EIF4EBP1: variants seen among roughly 807,000 people sequenced by gnomAD.
The protein encoded by EIF4EBP1 is eukaryotic translation initiation factor 4E-binding protein 1.
In EIF4EBP1, 5 loss-of-function variants were observed where a neutral mutation model predicts 9.2. That is an observed-to-expected ratio of 0.54 (90% CI 0.28 to 1.14). EIF4EBP1 has a LOEUF of 1.14. EIF4EBP1 is among the 50% of genes most tolerant of loss of function. EIF4EBP1 has a pLI of 0.09. For missense variants in EIF4EBP1, 139 were observed against 169.6 expected, an observed-to-expected ratio of 0.82 and a Z score of 1.00; for synonymous variants, 62 against 67.0, an observed-to-expected ratio of 0.93 and a Z score of 0.36.
At chr8:38,057,956 G>A (rs1029751400) in intron 2 of EIF4EBP1, among the ~76,000 whole-genome samples, 2 of 152,266 alleles carry the variant, frequency 1.3e-5, no homozygotes, top group South Asian at 2.1e-4. Flanking sequence ...AAGCACTTCC[G>A]GGCAACTATA....
At chr8:38,050,849 T>A (rs1809510898) in intron 1 of EIF4EBP1, among the ~76,000 whole-genome samples, 1 of 152,166 alleles carries the variant, frequency 6.6e-6, no homozygotes, top group Non-Finnish European at 1.5e-5. Context: ...GCCCAGAGAC[T>A]GATGGGTTCC....
At chr8:38,036,355 A>C (rs1432459579) in intron 1 of EIF4EBP1, among the ~76,000 whole-genome samples, 2 of 151,074 alleles carry the variant, frequency 1.3e-5, no homozygotes, top group Non-Finnish European at 3.0e-5. Context: ...ATAAAAATAC[A>C]AAAAAAAATT....
rs117034361 is a variant in EIF4EBP1 at position 38,050,593 on chromosome 8, G to A, written c.146-6488G>A. Among the ~76,000 whole-genome samples, 318 of 152,174 alleles carry A rather than the reference G, an allele frequency of 2.1e-3. 6 individuals are homozygous for A. The East Asian group carries it at 0.052, about 25-fold the overall frequency. ...TCAAACTCCTGGGCTCAAGCAATCC[G>A]CCTGCCTCGGTCTTTTCTTTCTTTC... On this transcript the variant is annotated intron_variant, in intron 1 of 2. Coordinates refer to ENST00000338825, the MANE Select transcript of EIF4EBP1 (RefSeq NM_004095.4).
chr8:38,054,440 G>C lies in EIF4EBP1; in HGVS notation c.146-2641G>C, dbSNP rs28496223. Among the ~76,000 whole-genome samples, 99 of 152,118 alleles carry C rather than the reference G, an allele frequency of 6.5e-4. 1 individual carries two copies. The highest frequency in any genetic ancestry group is 1.2e-3 in the Non-Finnish European group (81 of 68,034). On this transcript the variant is annotated intron_variant, in intron 1 of 2. Transcript: ENST00000338825. ...CATTCCAGCCTGGGTGACAGAGCAA[G>C]ACTCCATCTCAAAACAAACAAACAA...
chr8:38,045,416 C>T (rs1452853120), intron 1 of EIF4EBP1, among the ~76,000 whole-genome samples: 3 of 152,022 alleles, frequency 2.0e-5, no homozygotes, highest in African/African-American at 7.2e-5. Flanking sequence ...AAACTAGAAC[C>T]TAAGGGAATG....
At chr8:38,058,086 G>T (rs1222139930) in intron 2 of EIF4EBP1, among the ~76,000 whole-genome samples, 1 of 152,162 alleles carries the variant, frequency 6.6e-6, no homozygotes. Flanking sequence ...TCTCCCCAGG[G>T]CCTGCAGGAC....
intron 1 of EIF4EBP1, among the ~76,000 whole-genome samples, chr8:38,041,477 C>T (rs562334182): frequency 3.2e-4 from 48 of 152,120 alleles, no homozygotes; most frequent in Non-Finnish European, 5.6e-4. Flanking sequence ...GCCACATTTT[C>T]GAATAATCCT....
At chr8:38,039,855 C>A (rs1361358784) in intron 1 of EIF4EBP1, among the ~76,000 whole-genome samples, 1 of 151,618 alleles carries the variant, frequency 6.6e-6, no homozygotes, top group Non-Finnish European at 1.5e-5. Context: ...GACTTTTTTT[C>A]TTTTTTTTAA....
At chr8:38,033,892 G>A (rs957488636) in intron 1 of EIF4EBP1, among the ~76,000 whole-genome samples, 89 of 151,328 alleles carry the variant, frequency 5.9e-4, no homozygotes, top group East Asian at 1.6e-3. Flanking sequence ...GACTACAGGC[G>A]CCCGCGATCA....
At chr8:38,044,920 G>T (rs1201309919) in intron 1 of EIF4EBP1, among the ~76,000 whole-genome samples, 1 of 152,152 alleles carries the variant, frequency 6.6e-6, no homozygotes, top group Non-Finnish European at 1.5e-5. Context: ...GACCGGAGGG[G>T]ATGACAGATG....
chr8:38,040,362 T>A (rs1008430489), intron 1 of EIF4EBP1, among the ~76,000 whole-genome samples: 1 of 152,228 alleles, frequency 6.6e-6, no homozygotes, highest in Non-Finnish European at 1.5e-5. Context: ...GTTATGCCCA[T>A]GAAAGCTCAT....
Position 38,059,978 on chromosome 8 carries a change from G to C in EIF4EBP1, c.*43G>C. The C allele has an allele frequency of 6.3e-7, 1 of 1,597,732 alleles. No individual in the cohort carries two copies. ...GGAGCACTACCAAGGGGCCCCTCAG[G>C]GCCTTCCTGGGAGGAGTCCCACCAG... On this transcript the variant is annotated 3_prime_UTR_variant, in exon 3 of 3. Transcript: ENST00000338825.
At chr8:38,056,238 C>T (rs1809593167) in intron 1 of EIF4EBP1, among the ~76,000 whole-genome samples, 2 of 152,102 alleles carry the variant, frequency 1.3e-5, no homozygotes, top group South Asian at 4.1e-4. Context: ...GCAGTCCTCC[C>T]ACGGTGGCCT....
Position 38,030,709 on chromosome 8 carries a change from AC to A in EIF4EBP1, c.140del (p.Pro47ArgfsTer13). 1 of 1,408,134 alleles carries A rather than the reference AC, an allele frequency of 7.1e-7. No individual in the cohort carries two copies. 87.2% of individuals were successfully genotyped at this position (1,408,134 alleles called of 1,614,324 possible). The stretch of plus-strand genomic sequence containing the variant: ...CCCCGGCGGCACGCTCTTCAGCACC[AC>A]CCCGGGAGGTAGGCGCGGGCTTGGC... ...TTPGGTLFST[T>X]PGGTRIIYDR... On this transcript the variant is annotated frameshift_variant, in exon 1 of 3. Coordinates refer to ENST00000338825, the MANE Select transcript of EIF4EBP1 (RefSeq NM_004095.4). LOFTEE classifies it high-confidence loss of function.
chr8:38,043,469 A>T (rs1172132104), intron 1 of EIF4EBP1, among the ~76,000 whole-genome samples: 1 of 147,890 alleles, frequency 6.8e-6, no homozygotes, highest in Non-Finnish European at 1.5e-5. Flanking sequence ...GATTCAAGCG[A>T]TTCTCCTGCC....
Position 38,060,059 on chromosome 8 carries a change from C to T in EIF4EBP1, c.*124C>T. The stretch of plus-strand genomic sequence containing the variant: ...AGGCGTTGGCGTGGGGTCGGACACC[C>T]CAGCCCTTTCTCCCTCACTCAGGGC... On this transcript the variant is annotated 3_prime_UTR_variant, in exon 3 of 3. Coordinates refer to ENST00000338825, the MANE Select transcript of EIF4EBP1 (RefSeq NM_004095.4). 1 of 948,506 alleles carries T rather than the reference C, an allele frequency of 1.1e-6. No individual in the cohort carries two copies. Among genetic ancestry groups the T allele is most frequent in the South Asian group, 1.3e-5 (1 of 76,040 alleles). The allele number at this position is 948,506 out of a possible 1,614,324, so 58.8% of individuals were successfully genotyped here.
chr8:38,059,374 C>T (rs774761055), intron 2 of EIF4EBP1, among the ~76,000 whole-genome samples: 4 of 152,158 alleles, frequency 2.6e-5, no homozygotes, highest in South Asian at 2.1e-4. Context: ...TCCACCATGA[C>T]GAAAAGCCCC....
chr8:38,041,036 G>A (rs1482051439), intron 1 of EIF4EBP1, among the ~76,000 whole-genome samples: 1 of 152,192 alleles, frequency 6.6e-6, no homozygotes, highest in Admixed American at 6.5e-5. Context: ...CTGAGCTCAA[G>A]TGATCCGCCC....
intron 1 of EIF4EBP1, among the ~76,000 whole-genome samples, chr8:38,033,582 C>G (rs1235105608): frequency 6.6e-6 from 1 of 151,828 alleles, no homozygotes; most frequent in Non-Finnish European, 1.5e-5. Context: ...CTGTCTGCAC[C>G]TGCTTACTTA....
Sources: gnomAD v4.1 joint callset for allele counts (sites outside exome capture counted in the v4.1 genomes callset) on GRCh38, gnomAD v4.1.1 for gene constraint, MANE v1.5 for transcripts, NCBI Gene and HGNC (gene_info 2026-07-23, HGNC 2026-07-21) for gene names.